AFF3: variants seen among roughly 807,000 people sequenced by gnomAD.
The protein encoded by AFF3 is AF4/FMR2 family member 3.
Under a neutral mutation model 129.7 loss-of-function variants are expected in AFF3, and 32 were observed. The ratio of observed to expected loss-of-function variants is 0.25; its 90% CI spans 0.19 to 0.33. The LOEUF is 0.33. Among genes scored for constraint, AFF3 ranks in the 10% least tolerant of loss-of-function variants. The pLI is 1.00. For missense variants in AFF3, 1,373 were observed against 1,592.0 expected, an observed-to-expected ratio of 0.86 and a Z score of 2.34; for synonymous variants, 644 against 635.4, an observed-to-expected ratio of 1.01 and a Z score of -0.20.
chr2:99,557,700 C>T (rs540981281), intron 22 of AFF3, among the ~76,000 whole-genome samples: 58 of 152,194 alleles, frequency 3.8e-4, no homozygotes, highest in Admixed American at 9.2e-4. Flanking sequence ...AGACACAGGA[C>T]GGTCAATGGG....
intron 10 of AFF3, among the ~76,000 whole-genome samples, chr2:99,741,758 C>T (rs1245357852): frequency 6.6e-6 from 1 of 152,060 alleles, no homozygotes; most frequent in East Asian, 1.9e-4. Flanking sequence ...GCCCGCATCG[C>T]CAAGTCAATC....
chr2:99,842,444 A>AT (rs1311289139), intron 7 of AFF3, among the ~76,000 whole-genome samples: 2 of 152,024 alleles, frequency 1.3e-5, no homozygotes, highest in African/African-American at 2.4e-5. Flanking sequence ...ATTACTCTGT[A>AT]TTTTTTGACG....
In AFF3 at chr2:99,817,701, C is replaced by T. The variant is rs188902639; in HGVS notation, c.921+19776G>A. On this transcript the variant is annotated intron_variant, in intron 8 of 24. Transcript: ENST00000672756. ...GGTGCCCAGCCTGTTGCTGTTTTAT[C>T]AGCACTTTACCAAGTTGTGTGCAAT... Among the ~76,000 whole-genome samples the T allele has an allele frequency of 4.9e-4, 75 of 152,264 alleles. 1 individual carries two copies. The East Asian group carries it at 0.012, about 24-fold the overall frequency.
intron 8 of AFF3, among the ~76,000 whole-genome samples, chr2:99,794,793 T>C (rs1323850731): frequency 6.6e-6 from 1 of 152,230 alleles, no homozygotes; most frequent in Non-Finnish European, 1.5e-5. Flanking sequence ...AAATCTGAGA[T>C]GACTACAGTA....
intron 8 of AFF3, among the ~76,000 whole-genome samples, chr2:99,807,636 G>A (rs1236076846): frequency 6.6e-6 from 1 of 152,156 alleles, no homozygotes; most frequent in Non-Finnish European, 1.5e-5. Context: ...GGTAAAATAA[G>A]GCAGGCCTCA....
intron 12 of AFF3, among the ~76,000 whole-genome samples, chr2:99,658,548 C>T (rs1685956260): frequency 6.6e-6 from 1 of 152,146 alleles, no homozygotes; most frequent in Non-Finnish European, 1.5e-5. Flanking sequence ...TGGGGTTTCA[C>T]CACGTTGGCC....
At chr2:100,095,529 A>T (rs1180428166) in intron 4 of AFF3, among the ~76,000 whole-genome samples, 1 of 152,202 alleles carries the variant, frequency 6.6e-6, no homozygotes, top group Non-Finnish European at 1.5e-5. Flanking sequence ...CAAGACTGCA[A>T]GATTTAAATT....
chr2:99,554,852 AC>A (rs1674773401), intron 22 of AFF3, 120 bp from the exon 23 acceptor site: 2 of 1,111,670 alleles, frequency 1.8e-6, no homozygotes, highest in Non-Finnish European at 2.6e-6. Context: ...GGAAAAAGGC[AC>A]CTTCAGAGAA....
At chr2:99,931,621 A>G (rs2106301921) in intron 7 of AFF3, among the ~76,000 whole-genome samples, 1 of 152,334 alleles carries the variant, frequency 6.6e-6, no homozygotes, top group South Asian at 2.1e-4. Flanking sequence ...ATATAAACAT[A>G]CTATAGGCTG....
chr2:99,915,772 TG>T (rs1325831568), intron 7 of AFF3, among the ~76,000 whole-genome samples: 1 of 152,184 alleles, frequency 6.6e-6, no homozygotes, highest in Non-Finnish European at 1.5e-5. Flanking sequence ...CACACCCAGG[TG>T]TTTACTGTAT....
chr2:99,654,049 T>C (rs1685529859), intron 12 of AFF3, among the ~76,000 whole-genome samples: 2 of 152,158 alleles, frequency 1.3e-5, no homozygotes, highest in Non-Finnish European at 2.9e-5. Flanking sequence ...CCAGCTAATT[T>C]TTTTGTATTT....
chr2:99,770,677 A>T (rs1683402579), intron 8 of AFF3, among the ~76,000 whole-genome samples: 1 of 152,238 alleles, frequency 6.6e-6, no homozygotes, highest in Non-Finnish European at 1.5e-5. Flanking sequence ...TCAGGGACCA[A>T]GGGCTCTTTA....
chr2:99,658,747 C>A (rs189033972), intron 12 of AFF3, among the ~76,000 whole-genome samples: 1 of 152,254 alleles, frequency 6.6e-6, no homozygotes, highest in Admixed American at 6.5e-5. Flanking sequence ...CACAGAGCAG[C>A]CCCATTCTGT....
intron 11 of AFF3, among the ~76,000 whole-genome samples, chr2:99,722,622 T>C (rs965723584): frequency 6.6e-6 from 1 of 152,224 alleles, no homozygotes. Flanking sequence ...CTGTAGGCAG[T>C]AGGCAGCAGC....
chr2:100,102,092 A>C (rs1172267079), intron 4 of AFF3, among the ~76,000 whole-genome samples: 3 of 152,130 alleles, frequency 2.0e-5, no homozygotes, highest in African/African-American at 7.2e-5. Context: ...TCAAATAAGA[A>C]AACAATGGAT....
At chr2:100,024,835 C>A (rs13023117) in intron 4 of AFF3, among the ~76,000 whole-genome samples, 1 of 151,870 alleles carries the variant, frequency 6.6e-6, no homozygotes, top group Non-Finnish European at 1.5e-5. Context: ...ATTATATAAT[C>A]TCTTGTACAT....
intron 7 of AFF3, among the ~76,000 whole-genome samples, chr2:99,893,814 C>A (rs1053207117): frequency 6.6e-6 from 1 of 152,126 alleles, no homozygotes; most frequent in African/African-American, 2.4e-5. Context: ...TCCTTAAATT[C>A]TATTTGAAAT....
intron 7 of AFF3, among the ~76,000 whole-genome samples, chr2:99,853,687 G>A (rs566717858): frequency 6.6e-6 from 1 of 152,104 alleles, no homozygotes; most frequent in Non-Finnish European, 1.5e-5. Context: ...GGTAACATGC[G>A]GCAGAGCCAG....
intron 7 of AFF3, among the ~76,000 whole-genome samples, chr2:99,851,593 T>TC: frequency 6.6e-6 from 1 of 152,258 alleles, no homozygotes; most frequent in South Asian, 2.1e-4. Flanking sequence ...ACAAAGACCC[T>TC]CACTTTTTAG....
Sources: gnomAD v4.1 joint callset for allele counts (sites outside exome capture counted in the v4.1 genomes callset) on GRCh38, gnomAD v4.1.1 for gene constraint, MANE v1.5 for transcripts, NCBI Gene and HGNC (gene_info 2026-07-23, HGNC 2026-07-21) for gene names.